Variants in PRKCE observed in about 807,000 individuals in gnomAD.
The protein encoded by PRKCE is protein kinase C epsilon, also known as protein kinase C epsilon type.
In PRKCE, 16 loss-of-function variants were observed where a neutral mutation model predicts 85.4. That is an observed-to-expected ratio of 0.19 (90% CI 0.13 to 0.28). PRKCE has a LOEUF of 0.28. Among genes scored for constraint, PRKCE ranks in the 10% least tolerant of loss-of-function variants. PRKCE has a pLI of 1.00. For synonymous variants in PRKCE, 388 were observed against 371.5 expected (o/e 1.04, Z -0.51); for missense variants, 573 against 975.2 (o/e 0.59, Z 5.49).
In PRKCE at chr2:45,774,788, C is replaced by A. The variant is rs1317181646; in HGVS notation, c.349-68212C>A. 6.6e-6 allele frequency among the ~76,000 whole-genome samples: 1 copy of A among 152,122 alleles called. No individual in the cohort carries two copies. The highest frequency in any genetic ancestry group is 1.5e-5 in the Non-Finnish European group (1 of 68,010). On this transcript the variant is annotated intron_variant, in intron 1 of 14. Coordinates refer to ENST00000306156, the MANE Select transcript of PRKCE (RefSeq NM_005400.3). The surrounding 1 kb of genome is among the most constrained non-coding windows in gnomAD (Gnocchi z 4.3). ...GAGGGACCCACCCAAGCTGCACATT[C>A]CCAGGGCCAGTGCACCCTTTCCCGT...
At chr2:45,760,937 T>A (rs1684420374) in intron 1 of PRKCE, among the ~76,000 whole-genome samples, 1 of 152,126 alleles carries the variant, frequency 6.6e-6, no homozygotes, top group Non-Finnish European at 1.5e-5. Flanking sequence ...TAGTATACTA[T>A]TCCCTGGTTT....
intron 1 of PRKCE, among the ~76,000 whole-genome samples, chr2:45,746,915 C>T (rs1683183076): frequency 6.6e-6 from 1 of 152,140 alleles, no homozygotes; most frequent in Non-Finnish European, 1.5e-5. Context: ...GGATGCCCTC[C>T]TTTGTCCTCA....
Position 45,907,884 on chromosome 2 carries a change from C to G in PRKCE, c.412+64821C>G, listed in dbSNP as rs569948848. Among the ~76,000 whole-genome samples, 1 of 152,328 alleles carries G rather than the reference C, an allele frequency of 6.6e-6. No homozygotes were observed. Among genetic ancestry groups the G allele is most frequent in the East Asian group, 1.9e-4 (1 of 5,190 alleles). On this transcript the variant is annotated intron_variant, in intron 2 of 14. Coordinates refer to ENST00000306156, the MANE Select transcript of PRKCE (RefSeq NM_005400.3). The surrounding 1 kb of genome is among the most constrained non-coding windows in gnomAD (Gnocchi z 4.5). ...GAGTGCTGAGAACAGTGCCTGGTAT[C>G]TATGTTAAACAAAACGCCTTGTCCA... is the stretch of plus-strand genomic sequence containing the variant.
chr2:45,858,983 G>A (rs1692917503), intron 2 of PRKCE, among the ~76,000 whole-genome samples: 1 of 151,968 alleles, frequency 6.6e-6, no homozygotes, highest in African/African-American at 2.4e-5. Flanking sequence ...AGAGGTTACA[G>A]TGAGCCAAGG....
chr2:45,916,639 C>T (rs1268571295), intron 2 of PRKCE, among the ~76,000 whole-genome samples: 2 of 152,124 alleles, frequency 1.3e-5, no homozygotes, highest in African/African-American at 2.4e-5. Flanking sequence ...TTTAGCCAAT[C>T]GGGAATCTTG....
intron 1 of PRKCE, among the ~76,000 whole-genome samples, chr2:45,768,775 T>C (rs902138565): frequency 1.3e-5 from 2 of 152,240 alleles, no homozygotes; most frequent in African/African-American, 4.8e-5. Flanking sequence ...GTGTAGGAAT[T>C]ATAGTCTTTA....
intron 2 of PRKCE, among the ~76,000 whole-genome samples, chr2:45,900,674 G>A (rs1051990883): frequency 2.0e-5 from 3 of 152,202 alleles, no homozygotes; most frequent in Non-Finnish European, 4.4e-5. Flanking sequence ...AGATGAAAAT[G>A]TTCTGGAGAT....
At chr2:45,809,230 A>G (rs945633680) in intron 1 of PRKCE, among the ~76,000 whole-genome samples, 1 of 152,216 alleles carries the variant, frequency 6.6e-6, no homozygotes, top group South Asian at 2.1e-4. Context: ...GGTATAAATA[A>G]ATAAGTTTGC....
intron 1 of PRKCE, chr2:45,770,791 T>C (rs955816892): frequency 2.0e-5 from 3 of 152,228 alleles, no homozygotes; most frequent in African/African-American, 7.2e-5. Flanking sequence ...AAATCCAGGC[T>C]GCTTCTTGCC....
chr2:46,045,569 C>G (rs1347817866), intron 10 of PRKCE, among the ~76,000 whole-genome samples: 1 of 152,208 alleles, frequency 6.6e-6, no homozygotes, highest in African/African-American at 2.4e-5. Flanking sequence ...CAAGGGATAT[C>G]CACTGTGCTA....
chr2:45,907,063 G>A lies in PRKCE; in HGVS notation c.412+64000G>A, dbSNP rs1697033779. ...AGTTGCTCCAAAATTAGGCGTCGGA[G>A]GTCTAAGTGGTATAGACGGAAGGAA... On this transcript the variant is annotated intron_variant, in intron 2 of 14. Transcript: ENST00000306156. This position sits in a 1 kb window ranked among gnomAD's most constrained non-coding sequence, Gnocchi z 4.5. Among the ~76,000 whole-genome samples the A allele has an allele frequency of 6.7e-6, 1 of 149,724 alleles. No individual in the cohort carries two copies. Among genetic ancestry groups the A allele is most frequent in the African/African-American group, 2.4e-5 (1 of 41,284 alleles).
chr2:45,917,052 G>A (rs1203445171), intron 2 of PRKCE, among the ~76,000 whole-genome samples: 1 of 152,132 alleles, frequency 6.6e-6, no homozygotes, highest in Non-Finnish European at 1.5e-5. Flanking sequence ...GGGGACTCCA[G>A]CAGGTTACCA....
In PRKCE at chr2:45,855,893, C is replaced by T. The variant is rs114849342; in HGVS notation, c.412+12830C>T. On this transcript the variant is annotated intron_variant, in intron 2 of 14. Transcript: ENST00000306156. ...GCACAATAAGGCTGTTGACTGCTGC[C>T]CCTAACACTGACCTACCTTCTGTCT... Among the ~76,000 whole-genome samples the T allele has an allele frequency of 7.8e-3, 1,188 of 152,068 alleles. 5 individuals carry two copies. The highest frequency in any genetic ancestry group is 0.012 in the Non-Finnish European group (804 of 68,000).
At chr2:45,815,454 T>G (rs1688965306) in intron 1 of PRKCE, among the ~76,000 whole-genome samples, 1 of 152,178 alleles carries the variant, frequency 6.6e-6, no homozygotes, top group Admixed American at 6.5e-5. Flanking sequence ...TACATTCCCC[T>G]ATTCTTAGTT....
chr2:45,951,894 G>T (rs565012126), intron 2 of PRKCE, among the ~76,000 whole-genome samples: 1 of 152,308 alleles, frequency 6.6e-6, no homozygotes, highest in African/African-American at 2.4e-5. Context: ...GCACAGGGGC[G>T]CCATCTTGGC....
At chr2:45,987,428 C>G (rs1238515221) in intron 6 of PRKCE, among the ~76,000 whole-genome samples, 1 of 152,142 alleles carries the variant, frequency 6.6e-6, no homozygotes, top group African/African-American at 2.4e-5. Flanking sequence ...TTTTTTTCCC[C>G]TTGCTGCTGT....
At chr2:46,180,502 A>T (rs1479781607) in intron 14 of PRKCE, among the ~76,000 whole-genome samples, 1 of 152,244 alleles carries the variant, frequency 6.6e-6, no homozygotes, top group African/African-American at 2.4e-5. Context: ...GCCCAGGCTC[A>T]GTCCTAGTTC....
At chr2:45,685,766 T>C (rs1415409472) in intron 1 of PRKCE, among the ~76,000 whole-genome samples, 1 of 152,198 alleles carries the variant, frequency 6.6e-6, no homozygotes, top group Non-Finnish European at 1.5e-5. Flanking sequence ...TGACTCAGGC[T>C]TTCGTGGACT....
At chr2:45,976,938 C>T (rs1182034270) in intron 3 of PRKCE, among the ~76,000 whole-genome samples, 1 of 147,194 alleles carries the variant, frequency 6.8e-6, no homozygotes, top group Non-Finnish European at 1.5e-5. Context: ...GCTCTGTTGC[C>T]CAGGCTGGAG....
Sources: allele counts gnomAD v4.1 joint callset (sites outside exome capture counted in the v4.1 genomes callset), GRCh38; gene constraint gnomAD v4.1.1; non-coding constraint Gnocchi (gnomAD v3.1); transcripts MANE v1.5; gene names NCBI Gene and HGNC (gene_info 2026-07-23, HGNC 2026-07-21).